PIGK: variants seen among roughly 807,000 people sequenced by gnomAD.
PIGK encodes the protein phosphatidylinositol glycan anchor biosynthesis class K, also known as GPI-anchor transamidase.
PIGK carries 42 observed loss-of-function variants against 50.6 expected under a neutral mutation model. That is an observed-to-expected ratio of 0.83 (90% CI 0.65 to 1.07). The LOEUF (loss-of-function observed/expected upper bound fraction) is 1.07. PIGK is among the 50% of genes least tolerant of loss of function. The probability of loss-of-function intolerance (pLI) is 0.00; values close to 1 mark genes in which losing one functional copy is unlikely to be tolerated. For synonymous variants in PIGK, 151 were observed against 156.0 expected, an observed-to-expected ratio of 0.97 and a Z score of 0.24; for missense variants, 448 against 488.7, an observed-to-expected ratio of 0.92 and a Z score of 0.78.
At chr1:77,118,174 C>T (rs923116468) in intron 10 of PIGK, among the ~76,000 whole-genome samples, 3 of 152,120 alleles carry the variant, frequency 2.0e-5, no homozygotes, top group Admixed American at 1.3e-4. Flanking sequence ...TGTAAGAGCT[C>T]TTTATATATG....
At chr1:77,187,820 A>G (rs1317848888) in intron 3 of PIGK, among the ~76,000 whole-genome samples, 3 of 152,238 alleles carry the variant, frequency 2.0e-5, no homozygotes, top group Non-Finnish European at 2.9e-5. Flanking sequence ...GACCGGCTGA[A>G]GCCATGGCAG....
chr1:77,149,565 T>G (rs1654847357), intron 9 of PIGK, among the ~76,000 whole-genome samples: 1 of 152,124 alleles, frequency 6.6e-6, no homozygotes, highest in Admixed American at 6.6e-5. Context: ...ATAGTAAATA[T>G]GTATATACCC....
At chr1:77,111,653 T>C (rs368815280) in intron 10 of PIGK, among the ~76,000 whole-genome samples, 1 of 151,936 alleles carries the variant, frequency 6.6e-6, no homozygotes, top group Non-Finnish European at 1.5e-5. Context: ...ATATACCTAA[T>C]GCTAAATAAC....
At chr1:77,098,303 G>A (rs11162271) in intron 10 of PIGK, among the ~76,000 whole-genome samples, 60,728 of 151,884 alleles carry the variant, frequency 0.4, 14,595 homozygotes, top group African/African-American at 0.66. Context: ...TAAGCCTAAA[G>A]GCAGTGAGTG....
chr1:77,163,020 C>T (rs553611530), intron 6 of PIGK, among the ~76,000 whole-genome samples: 1 of 152,196 alleles, frequency 6.6e-6, no homozygotes, highest in Non-Finnish European at 1.5e-5. Flanking sequence ...ATAGTATCTA[C>T]CCCATAGAGT....
At chr1:77,193,737 T>A (rs1384151614) in intron 3 of PIGK, among the ~76,000 whole-genome samples, 3 of 152,094 alleles carry the variant, frequency 2.0e-5, no homozygotes, top group Admixed American at 2.0e-4. Context: ...TCACTAAAGC[T>A]AGATCAAGAA....
At chr1:77,161,907 G>C (rs1032224688) in intron 6 of PIGK, among the ~76,000 whole-genome samples, 196 bp from the exon 7 acceptor site, 2 of 152,214 alleles carry the variant, frequency 1.3e-5, no homozygotes, top group East Asian at 3.8e-4. Context: ...ACCACAGCGA[G>C]TCTTATTGTG....
chr1:77,099,037 A>G (rs1653485044), intron 10 of PIGK, among the ~76,000 whole-genome samples: 1 of 152,140 alleles, frequency 6.6e-6, no homozygotes, highest in Non-Finnish European at 1.5e-5. Context: ...TCTAGGATCT[A>G]TATTAAGGAA....
At chr1:77,185,254 G>T (rs972045212) in intron 3 of PIGK, among the ~76,000 whole-genome samples, 1 of 152,120 alleles carries the variant, frequency 6.6e-6, no homozygotes, top group Non-Finnish European at 1.5e-5. Flanking sequence ...CTCTAGTTTT[G>T]TGTCATAATC....
chr1:77,144,257 A>C (rs992172457), intron 9 of PIGK, among the ~76,000 whole-genome samples: 1 of 151,998 alleles, frequency 6.6e-6, no homozygotes, highest in African/African-American at 2.4e-5. Context: ...AATTAGTGCA[A>C]AGATCAGAAG....
At chr1:77,151,131 TA>T (rs1005416582) in intron 9 of PIGK, among the ~76,000 whole-genome samples, 10 of 151,678 alleles carry the variant, frequency 6.6e-5, no homozygotes, top group Non-Finnish European at 1.5e-4. Flanking sequence ...CACAGCACAT[TA>T]AAAAAAGACC....
At chr1:77,171,534 A>G (rs1337592022) in intron 3 of PIGK, among the ~76,000 whole-genome samples, 1 of 151,134 alleles carries the variant, frequency 6.6e-6, no homozygotes, top group Non-Finnish European at 1.5e-5. Flanking sequence ...ATTATTCAAT[A>G]GCTATATAAT....
chr1:77,154,679 T>C, intron 8 of PIGK, 58 bp from the exon 9 acceptor site: 1 of 1,072,464 alleles, frequency 9.3e-7, no homozygotes, highest in Non-Finnish European at 1.4e-6. Context: ...ATTTATTAAA[T>C]CCAATCACAT....
At chr1:77,197,969 G>T (rs1656074358) in intron 3 of PIGK, among the ~76,000 whole-genome samples, 1 of 152,032 alleles carries the variant, frequency 6.6e-6, no homozygotes, top group Admixed American at 6.6e-5. Flanking sequence ...ACCTTATTAG[G>T]AATACCAAAG....
chr1:77,162,654 CAT>C (rs1405546590), intron 6 of PIGK, among the ~76,000 whole-genome samples: 1 of 152,110 alleles, frequency 6.6e-6, no homozygotes, highest in Non-Finnish European at 1.5e-5. Context: ...AGAGAGGAGA[CAT>C]ATTTTCTGGG....
Position 77,164,052 on chromosome 1 carries a change from A to G in PIGK, c.488-110T>C. Reference sequence around the variant, plus strand: ...ATTTTGACATCGCTTGTTATTTTATACTCTAAAATGTATACTATGAAAACA... The same window carrying G: ...ATTTTGACATCGCTTGTTATTTTATGCTCTAAAATGTATACTATGAAAACA... On this transcript the variant is annotated intron_variant, in intron 5 of 10. Transcript: ENST00000370812. 2.0e-5 allele frequency: 12 copies of G among 597,572 alleles called. No homozygotes were observed. In the South Asian group the frequency reaches 2.8e-4, roughly 14 times the overall value. The allele number at this position is 597,572 out of a possible 1,614,324, so 37.0% of individuals were successfully genotyped here.
intron 3 of PIGK, among the ~76,000 whole-genome samples, chr1:77,183,093 TATC>T (rs1655658692): frequency 6.6e-6 from 1 of 152,210 alleles, no homozygotes; most frequent in African/African-American, 2.4e-5. Flanking sequence ...CACAAGTTCT[TATC>T]ATGCAAGTGG....
At chr1:77,166,893 T>A in intron 4 of PIGK, 63 bp from the exon 5 acceptor site, 4 of 797,230 alleles carry the variant, frequency 5.0e-6, no homozygotes. Context: ...GACAAATTAC[T>A]TTTTACTTTC....
At chr1:77,191,378 T>C (rs1044632567) in intron 3 of PIGK, among the ~76,000 whole-genome samples, 16 of 152,246 alleles carry the variant, frequency 1.1e-4, no homozygotes, top group African/African-American at 3.9e-4. Flanking sequence ...TTTCCAATAA[T>C]GATCTGTACT....
Sources: allele counts gnomAD v4.1 joint callset (sites outside exome capture counted in the v4.1 genomes callset), GRCh38; gene constraint gnomAD v4.1.1; transcripts MANE v1.5; gene names NCBI Gene and HGNC (gene_info 2026-07-23, HGNC 2026-07-21).